The following CADPS2 variants were observed in gnomAD, a reference collection of about 807,000 sequenced individuals.
CADPS2 encodes the protein calcium-dependent secretion activator 2.
Under a neutral mutation model 172.5 loss-of-function variants are expected in CADPS2, and 93 were observed. The ratio of observed to expected loss-of-function variants is 0.54; its 90% CI spans 0.46 to 0.64. The LOEUF is 0.64. Among genes scored for constraint, CADPS2 ranks in the 30% least tolerant of loss-of-function variants. The pLI is 0.00. For synonymous variants in CADPS2, 546 were observed against 555.2 expected (o/e 0.98, Z 0.23); for missense variants, 1,420 against 1,565.9 (o/e 0.91, Z 1.57).
At chr7:122,617,421 T>G (rs758630445) in intron 5 of CADPS2, among the ~76,000 whole-genome samples, 1 of 152,192 alleles carries the variant, frequency 6.6e-6, no homozygotes, top group Non-Finnish European at 1.5e-5. Flanking sequence ...AGTGTTTCAA[T>G]TCCCAGCAAA....
chr7:122,427,063 AT>A (rs1314131957), intron 17 of CADPS2: 1 of 152,116 alleles, frequency 6.6e-6, no homozygotes, highest in African/African-American at 2.4e-5. Context: ...GTTACAGATC[AT>A]GGCCAAGGAA....
chr7:122,492,396 T>TA (rs2058374207), intron 9 of CADPS2, among the ~76,000 whole-genome samples: 2 of 152,008 alleles, frequency 1.3e-5, no homozygotes, highest in Admixed American at 6.6e-5. Flanking sequence ...GCTAAAGTCT[T>TA]ACTAGAACCA....
At chr7:122,321,574 C>T (rs1468623291) in intron 29 of CADPS2, among the ~76,000 whole-genome samples, 2 of 152,216 alleles carry the variant, frequency 1.3e-5, no homozygotes, top group East Asian at 1.9e-4. Flanking sequence ...CAGCAGCCTT[C>T]GCCTCCCCAG....
intron 2 of CADPS2, chr7:122,702,514 T>G: frequency 6.2e-7 from 1 of 1,613,646 alleles, no homozygotes; most frequent in South Asian, 1.1e-5. Flanking sequence ...GATTCCATCC[T>G]TCAGGAAGTG....
chr7:122,639,761 G>A (rs1236977001), intron 3 of CADPS2, among the ~76,000 whole-genome samples: 10 of 152,066 alleles, frequency 6.6e-5, no homozygotes, highest in Admixed American at 6.6e-4. Flanking sequence ...TCTTTTAATT[G>A]TCATTAGGAA....
In CADPS2 at chr7:122,702,444, C is replaced by A. The variant is rs778251504; in HGVS notation, c.453+34511G>T. The stretch of plus-strand genomic sequence containing the variant: ...GTACAGCCTCCACGTTCGATGAGGG[C>A]CAGCCATGAGTCTGCCTGTTTGGGC... On this transcript the variant is annotated intron_variant, in intron 2 of 29. Transcript: ENST00000449022. 85 of 1,613,650 alleles carry A rather than the reference C, an allele frequency of 5.3e-5. No individual in the cohort carries two copies. The highest frequency in any genetic ancestry group is 7.0e-5 in the Non-Finnish European group (83 of 1,179,756).
chr7:122,800,593 C>A (rs1018793160), intron 1 of CADPS2, among the ~76,000 whole-genome samples: 3 of 151,884 alleles, frequency 2.0e-5, no homozygotes, highest in Admixed American at 1.3e-4. Context: ...ATAGCAGGGT[C>A]CTAGATCATG....
intron 4 of CADPS2, among the ~76,000 whole-genome samples, chr7:122,628,927 T>C (rs1431048629): frequency 6.6e-6 from 1 of 151,752 alleles, no homozygotes; most frequent in Non-Finnish European, 1.5e-5. Context: ...TCCCTGGTTA[T>C]ATTTTGCTTA....
chr7:122,716,247 G>GA (rs1352938523), intron 2 of CADPS2, among the ~76,000 whole-genome samples: 1 of 151,934 alleles, frequency 6.6e-6, no homozygotes, highest in Non-Finnish European at 1.5e-5. Context: ...TTTGTTTTAT[G>GA]AAAAAAAGCC....
At chr7:122,812,998 T>TA (rs1800414258) in intron 1 of CADPS2, among the ~76,000 whole-genome samples, 1 of 152,146 alleles carries the variant, frequency 6.6e-6, no homozygotes, top group African/African-American at 2.4e-5. Context: ...AGTAATCAGA[T>TA]TATTTGGTGA....
chr7:122,423,904 T>TA (rs1173035635), intron 17 of CADPS2, among the ~76,000 whole-genome samples: 18 of 152,178 alleles, frequency 1.2e-4, no homozygotes, highest in Admixed American at 2.0e-4. Flanking sequence ...AAAACAAAGT[T>TA]AAAAAACAAA....
chr7:122,577,357 T>C (rs1459295734), intron 7 of CADPS2, among the ~76,000 whole-genome samples: 2 of 152,116 alleles, frequency 1.3e-5, no homozygotes, highest in Non-Finnish European at 2.9e-5. Flanking sequence ...CCACCTCAGC[T>C]CAATTCTTGG....
intron 6 of CADPS2, among the ~76,000 whole-genome samples, chr7:122,598,340 C>T (rs186239145): frequency 4.9e-4 from 75 of 151,834 alleles, no homozygotes; most frequent in African/African-American, 1.3e-3. Context: ...GCTTTAGAAA[C>T]GTTCAAATTC....
At chr7:122,636,518 T>G (rs867677852) in intron 3 of CADPS2, among the ~76,000 whole-genome samples, 3 of 137,784 alleles carry the variant, frequency 2.2e-5, no homozygotes, top group Non-Finnish European at 3.0e-5. Context: ...CAGGCTGGAG[T>G]GCAATGGTGC....
At chr7:122,604,774 T>C (rs575960995) in intron 6 of CADPS2, among the ~76,000 whole-genome samples, 46 of 152,276 alleles carry the variant, frequency 3.0e-4, no homozygotes, top group African/African-American at 1.0e-3. Flanking sequence ...ATTTGAAACA[T>C]TGACATTTAA....
At chr7:122,839,956 T>C (rs1025483744) in intron 1 of CADPS2, among the ~76,000 whole-genome samples, 3 of 152,226 alleles carry the variant, frequency 2.0e-5, no homozygotes, top group African/African-American at 7.2e-5. Context: ...TTATAAATCA[T>C]ACCTCTATAA....
chr7:122,474,451 T>C lies in CADPS2; in HGVS notation c.1928A>G (p.His643Arg), dbSNP rs766864644. The C allele has an allele frequency of 1.2e-6, 2 of 1,613,454 alleles. No individual in the cohort carries two copies. Among genetic ancestry groups the C allele is most frequent in the Non-Finnish European group, 8.5e-7 (1 of 1,179,646 alleles). Residue 643 changes from histidine (H) to arginine (R), a missense_variant, in exon 13 of 30, where the codon CAT becomes CGT. Coordinates refer to ENST00000449022, the MANE Select transcript of CADPS2 (RefSeq NM_017954.11). ...FISANPCKLD[H>R]AFLFRILQRQ... ...CTGGAGTATTCTAAAAAGGAAGGCA[T>C]GATCAAGCTTGCAGGGGTTTGCAGA...
intron 1 of CADPS2, among the ~76,000 whole-genome samples, chr7:122,869,152 A>T (rs950337437): frequency 2.0e-5 from 3 of 152,116 alleles, no homozygotes; most frequent in African/African-American, 7.2e-5. Flanking sequence ...AAATAATGAC[A>T]GAAAACTGCC....
intron 6 of CADPS2, among the ~76,000 whole-genome samples, chr7:122,608,267 T>C (rs1327800597): frequency 6.6e-6 from 1 of 151,716 alleles, no homozygotes; most frequent in African/African-American, 2.4e-5. Context: ...AAATGTAGCA[T>C]ATTTTATCTC....
Sources: allele counts gnomAD v4.1 joint callset (sites outside exome capture counted in the v4.1 genomes callset), GRCh38; gene constraint gnomAD v4.1.1; transcripts MANE v1.5; gene names NCBI Gene and HGNC (gene_info 2026-07-23, HGNC 2026-07-21).